Variants in FER1L5 observed in about 807,000 individuals in gnomAD.
FER1L5 encodes fer-1 like family member 5, also known as fer-1-like protein 5.
A neutral mutation model predicts 279.9 loss-of-function variants in FER1L5; 187 were observed. The observed-to-expected ratio is 0.67, with a 90% CI of 0.59 to 0.75. The LOEUF (loss-of-function observed/expected upper bound fraction) is 0.75, where lower values mean the gene tolerates loss of function less well. FER1L5 is among the 30% of genes least tolerant of loss of function. FER1L5 has a pLI of 0.00. For missense variants in FER1L5, 2,091 were observed against 2,594.4 expected (o/e 0.81, Z 4.21); for synonymous variants, 921 against 989.7 (o/e 0.93, Z 1.30).
intron 32 of FER1L5, 83 bp downstream of exon 32, chr2:96,693,770 G>T: frequency 6.7e-7 from 1 of 1,491,550 alleles, no homozygotes; most frequent in South Asian, 1.3e-5. Context: ...GAAAATGTAT[G>T]GAAAGTGCTC....
In FER1L5 at chr2:96,689,085, C is replaced by T. The variant is rs1234908820; in HGVS notation, c.2362-128C>T. 1.7e-6 allele frequency: 2 copies of T among 1,178,724 alleles called. No homozygotes were observed. Among genetic ancestry groups the T allele is most frequent in the East Asian group, 2.6e-5 (1 of 38,384 alleles). The allele number at this position is 1,178,724 out of a possible 1,614,324, so 73.0% of individuals were successfully genotyped here. On this transcript the variant is annotated intron_variant, in intron 24 of 52. Transcript: ENST00000624922. The surrounding 1 kb of genome is among the most constrained non-coding windows in gnomAD (Gnocchi z 4.6). Reference sequence around the variant, plus strand: ...TCACCTGTGCAATGGGGACATGGCCCTTTCTTGCCTGGCTACCACATTTTT... The same window carrying T: ...TCACCTGTGCAATGGGGACATGGCCTTTTCTTGCCTGGCTACCACATTTTT...
In FER1L5 at chr2:96,702,631, A is replaced by G. The variant is rs771739420; in HGVS notation, c.5287A>G (p.Lys1763Glu). The change falls in exon 48 of 53, where the codon AAG becomes GAG. Residue 1763 changes from lysine to glutamate, a missense_variant. Coordinates refer to ENST00000624922, the MANE Select transcript of FER1L5 (RefSeq NM_001293083.2). The surrounding 1 kb of genome is among the most constrained non-coding windows in gnomAD (Gnocchi z 4.0). ...WLYGLEKDMQ[K>E]TDIHYHSLTG... ...ATACGGGCTGGAGAAGGACATGCAGAAGACAGACATCCACTACCACTCGCT... is the reference window on the plus strand; with the variant it reads ...ATACGGGCTGGAGAAGGACATGCAGGAGACAGACATCCACTACCACTCGCT... The G allele has an allele frequency of 1.9e-6, 3 of 1,592,810 alleles. No individual in the cohort carries two copies. The African/African-American group carries it at 4.0e-5, about 21-fold the overall frequency.
intron 19 of FER1L5, among the ~76,000 whole-genome samples, chr2:96,682,379 A>C (rs1328105449): frequency 7.9e-5 from 12 of 152,250 alleles, no homozygotes. Context: ...GGCGTGAGCC[A>C]CCGCACCCGG....
chr2:96,702,788 C>G lies in FER1L5; in HGVS notation c.5397+47C>G. 6.2e-7 allele frequency: 1 copy of G among 1,603,810 alleles called. No homozygotes were observed. Among genetic ancestry groups the G allele is most frequent in the East Asian group, 2.2e-5 (1 of 44,492 alleles). On this transcript the variant is annotated intron_variant, in intron 48 of 52. Transcript: ENST00000624922. The surrounding 1 kb of genome is among the most constrained non-coding windows in gnomAD (Gnocchi z 4.0). ...GGGCAACAGGCCACAACAAACAGACCCAGGCTCCTGGAGCTCCTCCCCCCA... is the reference window on the plus strand; with the variant it reads ...GGGCAACAGGCCACAACAAACAGACGCAGGCTCCTGGAGCTCCTCCCCCCA...
At position 96,649,620 on chromosome 2, in the gene FER1L5, C is replaced by T. The variant is rs1448039410; in HGVS notation, c.340-3C>T. 4 of 1,551,214 alleles carry T rather than the reference C, an allele frequency of 2.6e-6. No individual in the cohort carries two copies. Among genetic ancestry groups the T allele is most frequent in the African/African-American group, 1.4e-5 (1 of 73,034 alleles). ...TTACAGCTCCCTTGCCTTTGTCTTG[C>T]AGTGTACTGTCACCCTACAGGTGGC... On this transcript the variant is annotated splice_region_variant and splice_polypyrimidine_tract_variant and intron_variant, in intron 4 of 52. Transcript: ENST00000624922.
Position 96,698,097 on chromosome 2 carries a change from A to G in FER1L5, c.4297A>G (p.Thr1433Ala), listed in dbSNP as rs969451387. 5 of 1,589,242 alleles carry G rather than the reference A, an allele frequency of 3.1e-6. No homozygotes were observed. In the Admixed American group the frequency reaches 5.3e-5, roughly 17 times the overall value. The part of the protein sequence containing the change: ...AFQGLQDFCQ[T>A]FKLYQEQPKL... ...CCAGGGCCTGCAGGACTTCTGCCAG[A>G]CCTTCAAACTCTACCAGGAGCAGCC... The change falls in exon 40 of 53, where the codon ACC becomes GCC. Residue 1433 changes from threonine to alanine, a missense_variant. Coordinates refer to ENST00000624922, the MANE Select transcript of FER1L5 (RefSeq NM_001293083.2). The surrounding 1 kb of genome is among the most constrained non-coding windows in gnomAD (Gnocchi z 5.5).
chr2:96,660,560 A>T (rs1455250660), intron 10 of FER1L5, among the ~76,000 whole-genome samples, 189 bp downstream of exon 10: 1 of 152,004 alleles, frequency 6.6e-6, no homozygotes, highest in Admixed American at 6.6e-5. Context: ...TTTTTAATTT[A>T]ATTTTATTTT....
rs11164110 is a variant in FER1L5 at position 96,667,208 on chromosome 2, C to T, written c.1141-1543C>T. 1.7e-3 allele frequency among the ~76,000 whole-genome samples: 260 copies of T among 152,204 alleles called. 6 individuals are homozygous for T. In the East Asian group the frequency reaches 0.045, roughly 26 times the overall value. ...ACTCAACCTCTCTGATCTCAGCTTT[C>T]CCATATGAAAATGGGAATAATAATA... On this transcript the variant is annotated intron_variant, in intron 14 of 52. Coordinates refer to ENST00000624922, the MANE Select transcript of FER1L5 (RefSeq NM_001293083.2).
chr2:96,700,703 A>G (rs1237838513), intron 45 of FER1L5, among the ~76,000 whole-genome samples: 4 of 152,210 alleles, frequency 2.6e-5, no homozygotes, highest in African/African-American at 7.2e-5. Flanking sequence ...CAAGAAACAG[A>G]GGCCATGCGC....
chr2:96,692,185 G>A lies in FER1L5; in HGVS notation c.3292+4G>A. Reference sequence around the variant, plus strand: ...AATCAGATCCTGACATTCCAAGGTAGGTGGCAGGCAGCCTTGTCCCCAGCT... The same window carrying A: ...AATCAGATCCTGACATTCCAAGGTAAGTGGCAGGCAGCCTTGTCCCCAGCT... On this transcript the variant is annotated splice_donor_region_variant and intron_variant, in intron 31 of 52. Transcript: ENST00000624922. The A allele has an allele frequency of 6.4e-7, 1 of 1,551,714 alleles. No homozygotes were observed. The highest frequency in any genetic ancestry group is 8.7e-7 in the Non-Finnish European group (1 of 1,146,984).
At chr2:96,699,232 C>T in intron 42 of FER1L5, 96 bp downstream of exon 42, 1 of 1,302,410 alleles carries the variant, frequency 7.7e-7, no homozygotes, top group East Asian at 2.5e-5. Flanking sequence ...CACTCCTGTC[C>T]AGCCTCCAAG....
In FER1L5 at chr2:96,689,464, C is replaced by T; in HGVS notation, c.2525+88C>T. ...GCAGCCCAGAAAGATGGGTACCTAG[C>T]CCCTAAGCCTGGTGCCAGAGGGCCG... is the stretch of plus-strand genomic sequence containing the variant. On this transcript the variant is annotated intron_variant, in intron 25 of 52. Transcript: ENST00000624922. This position sits in a 1 kb window ranked among gnomAD's most constrained non-coding sequence, Gnocchi z 4.6. The T allele has an allele frequency of 6.6e-7, 1 of 1,520,538 alleles. No homozygotes were observed. The highest frequency in any genetic ancestry group is 2.2e-5 in the Admixed American group (1 of 45,498). 94.2% of individuals were successfully genotyped at this position (1,520,538 alleles called of 1,614,324 possible).
chr2:96,653,753 A>G (rs2075480016), intron 8 of FER1L5, 51 bp downstream of exon 8: 7 of 1,389,680 alleles, frequency 5.0e-6, no homozygotes, highest in Non-Finnish European at 7.0e-6. Context: ...TCCCACTTCA[A>G]TACTGGGAAG....
At chr2:96,652,463 G>GT (rs1438428432) in intron 7 of FER1L5, 2 of 172,436 alleles carry the variant, frequency 1.2e-5, no homozygotes, top group Non-Finnish European at 2.5e-5. Flanking sequence ...GCTGGAAGGA[G>GT]TAAGTGAGTA....
rs755967439 is a variant in FER1L5, at chr2:96,702,710, C to T, written c.5366C>T (p.Ala1789Val). 1.2e-5 allele frequency: 19 copies of T among 1,612,814 alleles called. No individual in the cohort carries two copies. The highest frequency in any genetic ancestry group is 2.7e-5 in the African/African-American group (2 of 74,906). Residue 1789 changes from alanine to valine, a missense_variant, in exon 48 of 53, where the codon GCG (alanine) becomes GTG (valine). Ala to Val is a moderately conservative substitution (Grantham distance 64, BLOSUM62 0). Transcript: ENST00000624922. The surrounding 1 kb of genome is among the most constrained non-coding windows in gnomAD (Gnocchi z 4.0). The stretch of plus-strand genomic sequence containing the variant: ...TTCATCTTTACCATGGACTACCTGG[C>T]GGCGGAGCGCACGTGTGTCCAGAGC... Reference protein sequence around the residue: ...WRFIFTMDYLAAERTCVQSQK... With the variant: ...WRFIFTMDYLVAERTCVQSQK...
Position 96,647,847 on chromosome 2 carries a change from G to A in FER1L5, c.300G>A (p.Lys100=), listed in dbSNP as rs1333640074. Residue 100 remains lysine, a synonymous_variant, in exon 4 of 53, where the codon AAG becomes AAA. Coordinates refer to ENST00000624922, the MANE Select transcript of FER1L5 (RefSeq NM_001293083.2). ...LKQPSEVLFV[K]DLTLLNHSMK... is the part of the protein sequence containing the mutation. Reference sequence around the variant, plus strand: ...AACCAAGTGAGGTCCTTTTTGTGAAGGACTTGACCCTGCTCAACCATTCCA... The same window carrying A: ...AACCAAGTGAGGTCCTTTTTGTGAAAGACTTGACCCTGCTCAACCATTCCA... The A allele has an allele frequency of 6.4e-7, 1 of 1,551,814 alleles. No individual in the cohort carries two copies. The highest frequency in any genetic ancestry group is 8.7e-7 in the Non-Finnish European group (1 of 1,147,024).
At chr2:96,680,970 G>A (rs1459775255) in intron 19 of FER1L5, among the ~76,000 whole-genome samples, 2 of 152,186 alleles carry the variant, frequency 1.3e-5, no homozygotes, top group Non-Finnish European at 2.9e-5. Flanking sequence ...TTGAACTCCT[G>A]GCCTCAGCCT....
In FER1L5 at chr2:96,702,447, G is replaced by C; in HGVS notation, c.5255+46G>C. The C allele has an allele frequency of 2.5e-6, 4 of 1,578,086 alleles. No individual in the cohort carries two copies. The highest frequency in any genetic ancestry group is 3.4e-6 in the Non-Finnish European group (4 of 1,162,640). ...TCCGGCAGAGCCCCTCAGTTCCCCA[G>C]TTCTGTCATCCTGCTGGCACGGCCC... is the stretch of plus-strand genomic sequence containing the variant. On this transcript the variant is annotated intron_variant, in intron 47 of 52. Coordinates refer to ENST00000624922, the MANE Select transcript of FER1L5 (RefSeq NM_001293083.2). The surrounding 1 kb of genome is among the most constrained non-coding windows in gnomAD (Gnocchi z 4.0).
chr2:96,663,477 A>C lies in FER1L5; in HGVS notation c.1110A>C (p.Ile370=), dbSNP rs1291150754. Residue 370 remains isoleucine, a synonymous_variant, in exon 14 of 53, where the codon ATA becomes ATC. Coordinates refer to ENST00000624922, the MANE Select transcript of FER1L5 (RefSeq NM_001293083.2). ...TGCAGACCCAAACCGACAACCCGAT[A>C]TGGAACCAGATCCTGACCTTCCGGA... ...THMQTQTDNP[I]WNQILTFRIQ... The C allele has an allele frequency of 1.5e-5, 23 of 1,551,498 alleles. No individual in the cohort carries two copies. The highest frequency in any genetic ancestry group is 1.7e-4 in the Middle Eastern group (1 of 6,016).
Sources: allele counts gnomAD v4.1 joint callset (sites outside exome capture counted in the v4.1 genomes callset), GRCh38; gene constraint gnomAD v4.1.1; non-coding constraint Gnocchi (gnomAD v3.1); transcripts MANE v1.5; gene names NCBI Gene and HGNC (gene_info 2026-07-23, HGNC 2026-07-21).